Variants in HDAC4 observed in about 807,000 individuals in gnomAD.
HDAC4 encodes the protein histone deacetylase 4.
HDAC4 carries 16 observed loss-of-function variants against 135.1 expected under a neutral mutation model. The ratio of observed to expected loss-of-function variants is 0.12; its 90% CI spans 0.08 to 0.18. The LOEUF is 0.18. Among genes scored for constraint, HDAC4 ranks in the 10% least tolerant of loss-of-function variants. The pLI is 1.00. For missense variants in HDAC4, 1,143 were observed against 1,511.8 expected (o/e 0.76, Z 4.05); for synonymous variants, 685 against 653.4 (o/e 1.05, Z -0.74).
chr2:239,378,848 T>G (rs1300887290), intron 1 of HDAC4, among the ~76,000 whole-genome samples: 1 of 152,232 alleles, frequency 6.6e-6, no homozygotes, highest in Non-Finnish European at 1.5e-5. Context: ...CAATTTGGCC[T>G]GAGGCAAAAC....
At chr2:239,155,253 C>T (rs1469500926) in intron 7 of HDAC4, among the ~76,000 whole-genome samples, 1 of 151,636 alleles carries the variant, frequency 6.6e-6, no homozygotes, top group African/African-American at 2.4e-5. Flanking sequence ...GGGAACATGG[C>T]CGGCCTGATA....
At chr2:239,243,431 C>T (rs992993589) in intron 2 of HDAC4, among the ~76,000 whole-genome samples, 6 of 152,148 alleles carry the variant, frequency 3.9e-5, no homozygotes, top group Non-Finnish European at 5.9e-5. Context: ...GGATTACAGG[C>T]GTGAGCCACC....
intron 2 of HDAC4, among the ~76,000 whole-genome samples, chr2:239,241,335 T>C (rs2048165171): frequency 6.6e-6 from 1 of 152,138 alleles, no homozygotes. Flanking sequence ...CCTGCCCAGG[T>C]TGGGGTGAAA....
At position 239,231,093 on chromosome 2, in the gene HDAC4, A is replaced by G. The variant is rs192581593; in HGVS notation, c.94+5500T>C. Among the ~76,000 whole-genome samples the G allele has an allele frequency of 2.5e-4, 38 of 152,318 alleles. No homozygotes were observed. In the East Asian group the frequency reaches 6.6e-3, roughly 26 times the overall value. On this transcript the variant is annotated intron_variant, in intron 3 of 26. Transcript: ENST00000543185. ...GAGAGTTTCTCTACAGTTTCTAGTT[A>G]ATCCCCTTTAAGGTTCCAGAGTTTT...
intron 3 of HDAC4, among the ~76,000 whole-genome samples, chr2:239,231,604 C>T (rs114280164): frequency 0.01 from 1,577 of 151,568 alleles, 43 homozygotes; most frequent in African/African-American, 0.029. Flanking sequence ...TGTTTGCCTC[C>T]GGTTTGCTCC....
Position 239,388,582 on chromosome 2 carries a change from C to T in HDAC4, c.-220+12396G>A, listed in dbSNP as rs1020506145. Among the ~76,000 whole-genome samples the T allele has an allele frequency of 6.6e-5, 10 of 152,196 alleles. No individual in the cohort carries two copies. In the South Asian group the frequency reaches 8.3e-4, roughly 13 times the overall value. On this transcript the variant is annotated intron_variant, in intron 1 of 26. Coordinates refer to ENST00000543185, the MANE Select transcript of HDAC4 (RefSeq NM_001378414.1). ...GGCCCCAGAGGGCAGCTGGACCGCA[C>T]GGCTGGAAGGACCACCCTCTGGGCC...
chr2:239,152,242 C>A (rs761195176), intron 7 of HDAC4, among the ~76,000 whole-genome samples: 1 of 152,236 alleles, frequency 6.6e-6, no homozygotes, highest in South Asian at 2.1e-4. Context: ...CTGGTGAAGC[C>A]ATCTGACACC....
chr2:239,275,843 C>A (rs896929583), intron 2 of HDAC4, among the ~76,000 whole-genome samples: 2 of 152,192 alleles, frequency 1.3e-5, no homozygotes, highest in Non-Finnish European at 2.9e-5. Context: ...CCCCAGATAG[C>A]TCCTCATGGT....
intron 2 of HDAC4, among the ~76,000 whole-genome samples, chr2:239,268,018 C>A (rs1048955780): frequency 6.6e-6 from 1 of 152,398 alleles, no homozygotes; most frequent in South Asian, 2.1e-4. Flanking sequence ...AGGCATAAAT[C>A]TGAATTTCTC....
At chr2:239,291,787 T>C (rs1275210758) in intron 2 of HDAC4, among the ~76,000 whole-genome samples, 1 of 152,200 alleles carries the variant, frequency 6.6e-6, no homozygotes, top group Non-Finnish European at 1.5e-5. Flanking sequence ...ATAAAGAAGA[T>C]TTCCAGTGTC....
chr2:239,110,837 C>T (rs1378637417), intron 14 of HDAC4, among the ~76,000 whole-genome samples: 7 of 152,228 alleles, frequency 4.6e-5, no homozygotes, highest in Non-Finnish European at 8.8e-5. Context: ...GGCTGGGTGG[C>T]GGGGCGGCCC....
chr2:239,195,684 C>A (rs1387215625), intron 3 of HDAC4, among the ~76,000 whole-genome samples: 2 of 152,156 alleles, frequency 1.3e-5, no homozygotes, highest in African/African-American at 2.4e-5. Flanking sequence ...AAGAATGCAG[C>A]ATCAAAACAA....
chr2:239,389,559 C>T (rs537662065), intron 1 of HDAC4, among the ~76,000 whole-genome samples: 10 of 152,156 alleles, frequency 6.6e-5, no homozygotes, highest in Non-Finnish European at 1.0e-4. Flanking sequence ...GAACCAACTC[C>T]GGACACAGGA....
intron 2 of HDAC4, among the ~76,000 whole-genome samples, chr2:239,271,836 G>A (rs1375632738): frequency 6.6e-6 from 1 of 152,224 alleles, no homozygotes; most frequent in Admixed American, 6.5e-5. Flanking sequence ...CCACCTGGAA[G>A]TTACACAGAG....
intron 1 of HDAC4, among the ~76,000 whole-genome samples, chr2:239,370,864 A>G (rs559166465): frequency 6.6e-6 from 1 of 152,348 alleles, no homozygotes; most frequent in African/African-American, 2.4e-5. Flanking sequence ...TGAATTACAG[A>G]CAGCTAAATG....
intron 3 of HDAC4, among the ~76,000 whole-genome samples, chr2:239,220,991 C>T (rs959122651): frequency 6.6e-6 from 1 of 152,146 alleles, no homozygotes; most frequent in Non-Finnish European, 1.5e-5. Flanking sequence ...GAGGTACTCC[C>T]TCACCACGAA....
rs566953626 is a variant in HDAC4, at chr2:239,182,227, AAC to A, written c.340-5666_340-5665del. Among the ~76,000 whole-genome samples, 86 of 152,178 alleles carry A rather than the reference AAC, an allele frequency of 5.7e-4. 1 individual carries two copies. Among genetic ancestry groups the A allele is most frequent in the Middle Eastern group, 3.4e-3 (1 of 294 alleles). On this transcript the variant is annotated intron_variant, in intron 4 of 26. Transcript: ENST00000543185. The stretch of plus-strand genomic sequence containing the variant: ...GGGGTGCTTCTCAGCTCAGAAAACA[AAC>A]ACAGTCCTTTGTTGAACTGATCTCC...
intron 12 of HDAC4, among the ~76,000 whole-genome samples, chr2:239,117,497 G>A (rs1306582867): frequency 6.7e-6 from 1 of 149,790 alleles, no homozygotes; most frequent in Admixed American, 6.6e-5. Flanking sequence ...AGCCAGAAAA[G>A]GGATGAATGT....
intron 2 of HDAC4, among the ~76,000 whole-genome samples, chr2:239,247,464 G>A (rs2124874458): frequency 6.6e-6 from 1 of 152,300 alleles, no homozygotes; most frequent in South Asian, 2.1e-4. Flanking sequence ...TACGTGCGGG[G>A]CGAGAGACTC....
Sources: gnomAD v4.1 joint callset for allele counts (sites outside exome capture counted in the v4.1 genomes callset) on GRCh38, gnomAD v4.1.1 for gene constraint, MANE v1.5 for transcripts, NCBI Gene and HGNC (gene_info 2026-07-23, HGNC 2026-07-21) for gene names.